The following LCLAT1 variants were observed in gnomAD, a reference collection of about 807,000 sequenced individuals.
The protein encoded by LCLAT1 is 1-AGP acyltransferase 8.
A neutral mutation model predicts 30.7 loss-of-function variants in LCLAT1; 11 were observed. That is an observed-to-expected ratio of 0.36 (90% CI 0.23 to 0.59). The LOEUF (loss-of-function observed/expected upper bound fraction) is 0.59. Among genes scored for constraint, LCLAT1 ranks in the 20% least tolerant of loss-of-function variants. LCLAT1 has a pLI of 0.77. For synonymous variants in LCLAT1, 155 were observed against 151.3 expected, an observed-to-expected ratio of 1.02 and a Z score of -0.18; for missense variants, 402 against 458.6, an observed-to-expected ratio of 0.88 and a Z score of 1.13.
chr2:30,625,904 A>G lies in LCLAT1; in HGVS notation c.629-14213A>G, dbSNP rs574741548. On this transcript the variant is annotated intron_variant, in intron 5 of 5. Coordinates refer to ENST00000379509, the MANE Select transcript of LCLAT1 (RefSeq NM_001002257.3). The stretch of plus-strand genomic sequence containing the variant: ...CAGTTTCTGCAAGTATAAAAGAAAG[A>G]TAATTTCTCAAGGGCTCTTACGATA... 5.3e-5 allele frequency among the ~76,000 whole-genome samples: 8 copies of G among 152,322 alleles called. No individual in the cohort carries two copies. In the South Asian group the frequency reaches 1.4e-3, roughly 28 times the overall value.
At chr2:30,533,349 T>C (rs1259644447) in intron 3 of LCLAT1, 35 bp downstream of exon 3, 1 of 1,555,048 alleles carries the variant, frequency 6.4e-7, no homozygotes, top group Admixed American at 1.7e-5. Flanking sequence ...AGTGGTTCAT[T>C]CATTTTAGAT....
At chr2:30,594,720 G>T (rs1336605973) in intron 5 of LCLAT1, among the ~76,000 whole-genome samples, 1 of 151,972 alleles carries the variant, frequency 6.6e-6, no homozygotes, top group African/African-American at 2.4e-5. Context: ...CTTTTTTTCT[G>T]TTCTCCTCTC....
At chr2:30,639,689 A>G (rs1045183791) in intron 5 of LCLAT1, among the ~76,000 whole-genome samples, 3 of 152,180 alleles carry the variant, frequency 2.0e-5, no homozygotes, top group Non-Finnish European at 4.4e-5. Flanking sequence ...TTCAGTAGCT[A>G]TCGTGGTAAC....
intron 1 of LCLAT1, among the ~76,000 whole-genome samples, chr2:30,512,737 C>T (rs1685000816): frequency 6.6e-6 from 1 of 151,968 alleles, no homozygotes; most frequent in Admixed American, 6.6e-5. Context: ...TCAAGGATAC[C>T]CAGTCATATC....
chr2:30,578,594 G>A (rs1029220343), intron 5 of LCLAT1, among the ~76,000 whole-genome samples: 2 of 152,146 alleles, frequency 1.3e-5, no homozygotes, highest in African/African-American at 4.8e-5. Context: ...TCTAGGCACA[G>A]TTGTCACTCA....
At chr2:30,625,715 A>C (rs1221573779) in intron 5 of LCLAT1, among the ~76,000 whole-genome samples, 1 of 152,230 alleles carries the variant, frequency 6.6e-6, no homozygotes, top group Non-Finnish European at 1.5e-5. Context: ...TAATTTAAAC[A>C]GTCTGCTATA....
intron 5 of LCLAT1, among the ~76,000 whole-genome samples, chr2:30,611,663 A>G (rs1667744625): frequency 6.6e-6 from 1 of 152,136 alleles, no homozygotes; most frequent in African/African-American, 2.4e-5. Flanking sequence ...AAGCTGAGGG[A>G]TAACAGGCCA....
rs574608113 is a variant in LCLAT1, at chr2:30,475,133, G to A, written c.-5+27750G>A. ...CTGCCTCAGCCTTCCAAGCAGCTGG[G>A]ATTACAAGCATGTGCCACCACCACT... On this transcript the variant is annotated intron_variant, in intron 1 of 5. Coordinates refer to ENST00000379509, the MANE Select transcript of LCLAT1 (RefSeq NM_001002257.3). Among the ~76,000 whole-genome samples, 12 of 152,042 alleles carry A rather than the reference G, an allele frequency of 7.9e-5. No homozygotes were observed. In the South Asian group the frequency reaches 2.5e-3, roughly 32 times the overall value.
Position 30,472,894 on chromosome 2 carries a change from A to G in LCLAT1, c.-5+25511A>G, listed in dbSNP as rs564786320. On this transcript the variant is annotated intron_variant, in intron 1 of 5. Transcript: ENST00000379509. ...ATGTCTAGCTAATGCATTAGATGAA[A>G]CTTTTAAGTCACAGTGATGAGGAAG... Among the ~76,000 whole-genome samples, 9 of 152,238 alleles carry G rather than the reference A, an allele frequency of 5.9e-5. No homozygotes were observed. The East Asian group carries it at 1.7e-3, about 29-fold the overall frequency.
chr2:30,477,035 A>C (rs1048499406), intron 1 of LCLAT1, among the ~76,000 whole-genome samples: 1 of 152,236 alleles, frequency 6.6e-6, no homozygotes, highest in Non-Finnish European at 1.5e-5. Flanking sequence ...CTTACTTGAT[A>C]GAATGACACA....
chr2:30,530,673 G>A (rs1199883936), intron 2 of LCLAT1, among the ~76,000 whole-genome samples: 4 of 152,120 alleles, frequency 2.6e-5, no homozygotes, highest in Non-Finnish European at 5.9e-5. Context: ...AGCCTCCTGC[G>A]TAGCTAAGGC....
At chr2:30,558,445 C>G (rs1329420216) in intron 3 of LCLAT1, among the ~76,000 whole-genome samples, 4 of 151,878 alleles carry the variant, frequency 2.6e-5, no homozygotes, top group South Asian at 2.1e-4. Flanking sequence ...ACTAAAAATA[C>G]AAAAATTAGC....
At chr2:30,633,020 T>G (rs1668842583) in intron 5 of LCLAT1, among the ~76,000 whole-genome samples, 1 of 152,222 alleles carries the variant, frequency 6.6e-6, no homozygotes, top group Non-Finnish European at 1.5e-5. Flanking sequence ...TTTATTGGTA[T>G]TTTTAGTCTA....
At chr2:30,621,456 C>T (rs1668245619) in intron 5 of LCLAT1, among the ~76,000 whole-genome samples, 1 of 152,122 alleles carries the variant, frequency 6.6e-6, no homozygotes, top group African/African-American at 2.4e-5. Context: ...AACTAACTCT[C>T]AGCTCCGACT....
At chr2:30,474,172 C>A (rs1385349806) in intron 1 of LCLAT1, among the ~76,000 whole-genome samples, 2 of 152,104 alleles carry the variant, frequency 1.3e-5, no homozygotes, top group Non-Finnish European at 2.9e-5. Flanking sequence ...TTGAAATGGA[C>A]CCAAGTGGAG....
chr2:30,611,679 G>A (rs563182061), intron 5 of LCLAT1, among the ~76,000 whole-genome samples: 73 of 152,172 alleles, frequency 4.8e-4, no homozygotes, highest in Non-Finnish European at 7.8e-4. Flanking sequence ...GGCCAAGTCA[G>A]GCTGAGATTC....
At chr2:30,475,135 T>C (rs1015032724) in intron 1 of LCLAT1, among the ~76,000 whole-genome samples, 1 of 151,950 alleles carries the variant, frequency 6.6e-6, no homozygotes, top group African/African-American at 2.4e-5. Context: ...GCAGCTGGGA[T>C]TACAAGCATG....
At chr2:30,605,024 G>C (rs189426657) in intron 5 of LCLAT1, among the ~76,000 whole-genome samples, 1 of 152,330 alleles carries the variant, frequency 6.6e-6, no homozygotes, top group East Asian at 1.9e-4. Context: ...ACATTACATG[G>C]ACCTGTAACA....
intron 1 of LCLAT1, among the ~76,000 whole-genome samples, chr2:30,501,975 G>T (rs1483823707): frequency 6.6e-6 from 1 of 152,136 alleles, no homozygotes. Context: ...GTTCTTTAAC[G>T]TAAGAAATCC....
Sources: gnomAD v4.1 joint callset for allele counts (sites outside exome capture counted in the v4.1 genomes callset) on GRCh38, gnomAD v4.1.1 for gene constraint, MANE v1.5 for transcripts, NCBI Gene and HGNC (gene_info 2026-07-23, HGNC 2026-07-21) for gene names.